VPS26C: variants seen among roughly 807,000 people sequenced by gnomAD.
VPS26C encodes VPS26 endosomal protein sorting factor C.
Under a neutral mutation model 30.6 loss-of-function variants are expected in VPS26C, and 19 were observed. The ratio of observed to expected loss-of-function variants is 0.62; its 90% CI spans 0.43 to 0.91. The LOEUF (loss-of-function observed/expected upper bound fraction) is 0.91, where lower values mean the gene tolerates loss of function less well. Among genes scored for constraint, VPS26C ranks in the 40% least tolerant of loss-of-function variants. The pLI, the probability that VPS26C is intolerant of heterozygous loss-of-function variation, is 0.00. For missense variants in VPS26C, 318 were observed against 385.1 expected, an observed-to-expected ratio of 0.83 and a Z score of 1.46; for synonymous variants, 132 against 151.5, an observed-to-expected ratio of 0.87 and a Z score of 0.95.
chr21:37,252,644 G>C (rs573218859), intron 1 of VPS26C, among the ~76,000 whole-genome samples: 32 of 152,288 alleles, frequency 2.1e-4, no homozygotes, highest in Admixed American at 1.8e-3. Flanking sequence ...TCATGCCCAA[G>C]TGCTTCTGGG....
chr21:37,248,582 A>AATC (rs2086160488), intron 1 of VPS26C, among the ~76,000 whole-genome samples: 2 of 152,188 alleles, frequency 1.3e-5, no homozygotes, highest in South Asian at 4.1e-4. Flanking sequence ...CAAGCAAATC[A>AATC]ATCATCATAG....
At position 37,228,307 on chromosome 21, in the gene VPS26C, G is replaced by T. The variant is rs766584118; in HGVS notation, c.574C>A (p.Pro192Thr). 1 of 1,614,086 alleles carries T rather than the reference G, an allele frequency of 6.2e-7. No individual in the cohort carries two copies. Among genetic ancestry groups the T allele is most frequent in the African/African-American group, 1.3e-5 (1 of 74,946 alleles). Residue 192 changes from proline (P) to threonine (T), a missense_variant, in exon 6 of 8, where the codon CCA (proline) becomes ACA (threonine). Physicochemically the swap from Pro to Thr is conservative, Grantham distance 38 (BLOSUM62 -1). Coordinates refer to ENST00000309117, the MANE Select transcript of VPS26C (RefSeq NM_006052.2). ...TCCACCACCAGCTCTCCCGTTAGTGGCTGCGTGATGACACAGTTTGTTGAG... is the reference window on the plus strand; with the variant it reads ...TCCACCACCAGCTCTCCCGTTAGTGTCTGCGTGATGACACAGTTTGTTGAG... ...LNSTNCVITQ[P>T]LTGELVVESS...
intron 1 of VPS26C, among the ~76,000 whole-genome samples, chr21:37,245,559 G>A (rs991268675): frequency 2.0e-5 from 3 of 152,040 alleles, no homozygotes; most frequent in Non-Finnish European, 2.9e-5. Context: ...GACTGACTGC[G>A]CTCTGTGACA....
In VPS26C at chr21:37,228,168, A is replaced by C. The variant is rs1306062231; in HGVS notation, c.658+55T>G. The stretch of plus-strand genomic sequence containing the variant: ...AGCATCCTCTTAACCATGGAACGTG[A>C]GGGTGGCAGTCGAGGGGGACAGGCA... On this transcript the variant is annotated intron_variant, in intron 6 of 7. Transcript: ENST00000309117. 3 of 1,585,800 alleles carry C rather than the reference A, an allele frequency of 1.9e-6. No individual in the cohort carries two copies. In the Admixed American group the frequency reaches 5.1e-5, roughly 27 times the overall value.
At chr21:37,255,847 C>G (rs1057378588) in intron 1 of VPS26C, among the ~76,000 whole-genome samples, 1 of 79,652 alleles carries the variant, frequency 1.3e-5, no homozygotes, top group South Asian at 4.2e-4. Flanking sequence ...ATTCTATGCA[C>G]TGCATTTTTT....
intron 1 of VPS26C, among the ~76,000 whole-genome samples, chr21:37,263,418 T>TA (rs1315302525): frequency 1.2e-4 from 19 of 152,354 alleles, no homozygotes; most frequent in Middle Eastern, 6.8e-3. Flanking sequence ...GGCAGAATAA[T>TA]AGAGTGTTCA....
intron 1 of VPS26C, among the ~76,000 whole-genome samples, chr21:37,250,908 A>G (rs999296523): frequency 1.1e-4 from 17 of 151,732 alleles, no homozygotes; most frequent in Non-Finnish European, 2.1e-4. Context: ...TCAAAAAAAA[A>G]AAAAAAAAGA....
At chr21:37,258,406 G>A (rs2086268410) in intron 1 of VPS26C, among the ~76,000 whole-genome samples, 1 of 152,176 alleles carries the variant, frequency 6.6e-6, no homozygotes, top group Non-Finnish European at 1.5e-5. Flanking sequence ...GCGATGTGAC[G>A]TGTTACCTCT....
intron 1 of VPS26C, among the ~76,000 whole-genome samples, chr21:37,260,764 C>A (rs751534038): frequency 1.3e-5 from 2 of 152,148 alleles, no homozygotes; most frequent in Non-Finnish European, 2.9e-5. Flanking sequence ...TTATTTGAAT[C>A]ATGATCTTAA....
Position 37,225,000 on chromosome 21 carries a change from T to A in VPS26C, c.*544A>T, listed in dbSNP as rs2148278492. ...GAAACAAAACCAAAAAACTACAGAA[T>A]AGAGTAGGGGTGGAGGGAAGTCATG... is the stretch of plus-strand genomic sequence containing the variant. On this transcript the variant is annotated 3_prime_UTR_variant, in exon 8 of 8. Coordinates refer to ENST00000309117, the MANE Select transcript of VPS26C (RefSeq NM_006052.2). The A allele has an allele frequency of 1.3e-5, 2 of 154,142 alleles. 1 individual carries two copies. 9.5% of individuals were successfully genotyped at this position (154,142 alleles called of 1,614,324 possible). A position where few individuals can be genotyped will look rare whatever the true frequency, so the allele number is the denominator to read the frequency against.
intron 1 of VPS26C, among the ~76,000 whole-genome samples, chr21:37,262,767 A>AATT (rs2086318437): frequency 6.8e-6 from 1 of 147,456 alleles, no homozygotes; most frequent in South Asian, 2.1e-4. Context: ...GTAGCACGTT[A>AATT]ATTTTTTTTT....
chr21:37,233,732 C>G lies in VPS26C; in HGVS notation c.352-290G>C, dbSNP rs1319564199. 6.6e-6 allele frequency among the ~76,000 whole-genome samples: 1 copy of G among 152,208 alleles called. No individual in the cohort carries two copies. The highest frequency in any genetic ancestry group is 2.4e-5 in the African/African-American group (1 of 41,460). ...AACAGGTGCACGGTCCCACCTGTAGCAGGGAGCAGGCTGGCGAGACAGAAA... is the reference window on the plus strand; with the variant it reads ...AACAGGTGCACGGTCCCACCTGTAGGAGGGAGCAGGCTGGCGAGACAGAAA... On this transcript the variant is annotated intron_variant, in intron 3 of 7. Coordinates refer to ENST00000309117, the MANE Select transcript of VPS26C (RefSeq NM_006052.2). This position sits in a 1 kb window ranked among gnomAD's most constrained non-coding sequence, Gnocchi z 5.2.
Position 37,228,546 on chromosome 21 carries a change from C to T in VPS26C, c.508-173G>A, listed in dbSNP as rs73397238. 1.2e-3 allele frequency: 782 copies of T among 634,872 alleles called. 5 individuals are homozygous for T. In the African/African-American group the frequency reaches 0.013, roughly 10 times the overall value. 39.3% of individuals were successfully genotyped at this position (634,872 alleles called of 1,614,324 possible). On this transcript the variant is annotated intron_variant, in intron 5 of 7. Coordinates refer to ENST00000309117, the MANE Select transcript of VPS26C (RefSeq NM_006052.2). ...AAGTACTGACGTCTTGGACATTAGC[C>T]GGCTGAATTATTCAACGACTCTCTA... is the stretch of plus-strand genomic sequence containing the variant.
chr21:37,250,019 T>C (rs1002376154), intron 1 of VPS26C, among the ~76,000 whole-genome samples: 4 of 152,116 alleles, frequency 2.6e-5, no homozygotes, highest in African/African-American at 4.8e-5. Context: ...AAAAATTAAG[T>C]TGGGCCGGGC....
chr21:37,228,715 A>T (rs868742797), intron 5 of VPS26C: 22 of 204,340 alleles, frequency 1.1e-4, no homozygotes, highest in African/African-American at 4.7e-4. Context: ...TGTTCAAGAC[A>T]ACCTGACACA....
In VPS26C at chr21:37,233,327, A is replaced by G. The variant is rs769777808; in HGVS notation, c.432+35T>C. 3 of 1,566,066 alleles carry G rather than the reference A, an allele frequency of 1.9e-6. No homozygotes were observed. Among genetic ancestry groups the G allele is most frequent in the Admixed American group, 3.3e-5 (2 of 59,926 alleles). On this transcript the variant is annotated intron_variant, in intron 4 of 7. Coordinates refer to ENST00000309117, the MANE Select transcript of VPS26C (RefSeq NM_006052.2). This position sits in a 1 kb window ranked among gnomAD's most constrained non-coding sequence, Gnocchi z 5.2. ...CTCTCAGACCCCATGGGAGATTCCT[A>G]TCATTAAGCACCAGAGTCCCCGAGT...
chr21:37,267,118 C>G (rs1716446610), intron 1 of VPS26C, 120 bp downstream of exon 1: 3 of 916,046 alleles, frequency 3.3e-6, no homozygotes, highest in Admixed American at 4.0e-5. Context: ...GGCGGAGACG[C>G]ACCTGGCGGG....
At chr21:37,243,475 G>A (rs900134297) in intron 1 of VPS26C, among the ~76,000 whole-genome samples, 9 of 152,280 alleles carry the variant, frequency 5.9e-5, no homozygotes, top group African/African-American at 2.2e-4. Context: ...TGTGGTGTGC[G>A]TGCTCATCAG....
chr21:37,240,416 C>A, intron 2 of VPS26C, 80 bp downstream of exon 2: 1 of 1,516,370 alleles, frequency 6.6e-7, no homozygotes, highest in South Asian at 1.2e-5. Context: ...TGAGCCACTG[C>A]GCCTGGCCCT....
Sources: allele counts gnomAD v4.1 joint callset (sites outside exome capture counted in the v4.1 genomes callset), GRCh38; gene constraint gnomAD v4.1.1; non-coding constraint Gnocchi (gnomAD v3.1); transcripts MANE v1.5; gene names NCBI Gene and HGNC (gene_info 2026-07-23, HGNC 2026-07-21).